TRPV5: variants seen among roughly 807,000 people sequenced by gnomAD.
The protein encoded by TRPV5 is transient receptor potential cation channel subfamily V member 5, also known as calcium transport protein 2.
TRPV5 carries 66 observed loss-of-function variants against 74.1 expected under a neutral mutation model. That is an observed-to-expected ratio of 0.89 (90% CI 0.73 to 1.09). TRPV5 has a LOEUF of 1.09. Among genes scored for constraint, TRPV5 ranks in the 50% least tolerant of loss-of-function variants. TRPV5 has a pLI of 0.00. For synonymous variants in TRPV5, 399 were observed against 360.7 expected (o/e 1.11, Z -1.20); for missense variants, 936 against 930.4 (o/e 1.01, Z -0.08).
intron 8 of TRPV5, among the ~76,000 whole-genome samples, 175 bp from the exon 9 acceptor site, chr7:142,915,743 G>T (rs1477574543): frequency 1.3e-5 from 2 of 152,230 alleles, no homozygotes; most frequent in African/African-American, 4.8e-5. Context: ...CAGGACAGGA[G>T]TCTATGTATC....
At chr7:142,919,510 C>G (rs929785774) in intron 8 of TRPV5, among the ~76,000 whole-genome samples, 3 of 152,136 alleles carry the variant, frequency 2.0e-5, no homozygotes, top group South Asian at 2.1e-4. Context: ...TTTTCAGATT[C>G]CTAGATCAAG....
At chr7:142,911,807 T>A (rs1795706897) in intron 13 of TRPV5, among the ~76,000 whole-genome samples, 1 of 152,194 alleles carries the variant, frequency 6.6e-6, no homozygotes, top group Non-Finnish European at 1.5e-5. Context: ...ATTTGAATGG[T>A]GCTTATATGG....
Position 142,915,499 on chromosome 7 carries a change from T to C in TRPV5, c.1192A>G (p.Ile398Val). Residue 398 changes from isoleucine to valine, a missense_variant, in exon 9 of 15, where the codon ATC becomes GTC. Transcript: ENST00000265310. The part of the protein sequence containing the change: ...GELVSIVGAV[I>V]ILLLEIPDIF... The stretch of plus-strand genomic sequence containing the variant: ...CCCCTCACCTCTAGGAGCAGGATGA[T>C]CACAGCCCCAACGATGCTCACCAGC... 1.2e-6 allele frequency: 2 copies of C among 1,614,140 alleles called. No homozygotes were observed.
chr7:142,924,230 A>C (rs1795929769), intron 8 of TRPV5, among the ~76,000 whole-genome samples: 1 of 133,436 alleles, frequency 7.5e-6, no homozygotes. Context: ...ATATATATAC[A>C]TATATATATA....
Position 142,928,703 on chromosome 7 carries a change from C to T in TRPV5, c.750G>A (p.Glu250=), listed in dbSNP as rs1004738988. Residue 250 remains glutamate, a synonymous_variant, in exon 6 of 15, where the codon GAG becomes GAA. Transcript: ENST00000265310. ...GLTPFKLAGV[E]GNTVMFQHLM... is the part of the protein sequence containing the mutation. ...GAGCGTCTCTTACCACAGTGTTACC[C>T]TCCACTCCAGCCAGCTTGAAGGGGG... The T allele has an allele frequency of 3.7e-6, 6 of 1,613,652 alleles. No individual in the cohort carries two copies. The highest frequency in any genetic ancestry group is 5.1e-6 in the Non-Finnish European group (6 of 1,179,818).
intron 7 of TRPV5, among the ~76,000 whole-genome samples, chr7:142,927,171 C>T (rs944958883): frequency 6.6e-6 from 1 of 152,198 alleles, no homozygotes; most frequent in African/African-American, 2.4e-5. Context: ...CCAGCCCCAG[C>T]ATTTCCTCTG....
intron 3 of TRPV5, 43 bp from the exon 4 acceptor site, chr7:142,929,608 A>G: frequency 6.2e-7 from 1 of 1,601,584 alleles, no homozygotes; most frequent in Non-Finnish European, 8.5e-7. Flanking sequence ...CTCTGTCCCC[A>G]GTTCTCTCAG....
At chr7:142,917,102 G>T (rs567371664) in intron 8 of TRPV5, among the ~76,000 whole-genome samples, 11 of 149,230 alleles carry the variant, frequency 7.4e-5, no homozygotes, top group Non-Finnish European at 1.2e-4. Context: ...GTTTTGTTTT[G>T]TTTTGTTTTT....
At chr7:142,917,539 TG>T (rs1404902190) in intron 8 of TRPV5, among the ~76,000 whole-genome samples, 1 of 152,142 alleles carries the variant, frequency 6.6e-6, no homozygotes, top group African/African-American at 2.4e-5. Flanking sequence ...GAGATGAAAA[TG>T]TGAAACCCCT....
intron 8 of TRPV5, 91 bp downstream of exon 8, chr7:142,925,438 G>T: frequency 7.3e-7 from 1 of 1,376,044 alleles, no homozygotes; most frequent in South Asian, 1.2e-5. Context: ...GGAACCCAGA[G>T]CGTGGCATCG....
chr7:142,920,617 G>A (rs1235591638), intron 8 of TRPV5, among the ~76,000 whole-genome samples: 2 of 152,142 alleles, frequency 1.3e-5, no homozygotes, highest in Admixed American at 1.3e-4. Flanking sequence ...GATTCTGAAG[G>A]GAGGCAGACT....
rs979041298 is a variant in TRPV5 at position 142,912,557 on chromosome 7, G to C, written c.1713C>G (p.Leu571=). 1.1e-5 allele frequency: 18 copies of C among 1,614,154 alleles called. No individual in the cohort carries two copies. The highest frequency in any genetic ancestry group is 1.4e-5 in the Non-Finnish European group (17 of 1,179,962). Residue 571 remains leucine (L), a synonymous_variant, in exon 13 of 15, where the codon CTC becomes CTG. Coordinates refer to ENST00000265310, the MANE Select transcript of TRPV5 (RefSeq NM_019841.7). ...CGCCCATCATGGCGATGAACAAGTT[G>C]AGCATGAGCAGTGTGGCAATGATGG... ...AFTIIATLLM[L]NLFIAMMGDT...
At chr7:142,919,792 C>T (rs1050853065) in intron 8 of TRPV5, among the ~76,000 whole-genome samples, 2 of 152,142 alleles carry the variant, frequency 1.3e-5, no homozygotes, top group South Asian at 4.1e-4. Context: ...GTGCCTGGGG[C>T]ACTACTGGGT....
chr7:142,908,596 A>G lies in TRPV5; in HGVS notation c.2108T>C (p.Ile703Thr). ...GTGCCCCAGGGTGTTTTGACGAAGG[A>G]TCTCCCAGCCTCGGTGACTGCTGCT... Reference protein sequence around the residue: ...SQSSSHRGWEILRQNTLGHLN... With the variant: ...SQSSSHRGWETLRQNTLGHLN... Residue 703 changes from isoleucine to threonine, a missense_variant, in exon 15 of 15, where the codon ATC becomes ACC. Physicochemically the swap from Ile to Thr is moderately conservative, Grantham distance 89. Coordinates refer to ENST00000265310, the MANE Select transcript of TRPV5 (RefSeq NM_019841.7). The G allele has an allele frequency of 1.9e-6, 3 of 1,614,150 alleles. No homozygotes were observed. The highest frequency in any genetic ancestry group is 2.5e-6 in the Non-Finnish European group (3 of 1,180,032).
Position 142,925,704 on chromosome 7 carries a change from A to G in TRPV5, c.947T>C (p.Leu316Pro). Reference protein sequence around the residue: ...QILEQTPVKELVSFKWNKYGR... With the variant: ...QILEQTPVKEPVSFKWNKYGR... ...ATACTTGTTCCACTTGAAGCTCACCAGCTCCTTCACTGGGGTCTGTTCCAG... is the reference window on the plus strand; with the variant it reads ...ATACTTGTTCCACTTGAAGCTCACCGGCTCCTTCACTGGGGTCTGTTCCAG... Residue 316 changes from leucine to proline, a missense_variant, in exon 8 of 15, where the codon CTG becomes CCG. Coordinates refer to ENST00000265310, the MANE Select transcript of TRPV5 (RefSeq NM_019841.7). 1 of 1,614,152 alleles carries G rather than the reference A, an allele frequency of 6.2e-7. No homozygotes were observed. The highest frequency in any genetic ancestry group is 8.5e-7 in the Non-Finnish European group (1 of 1,180,020).
At chr7:142,909,437 C>G in intron 14 of TRPV5, 53 bp downstream of exon 14, 1 of 1,594,932 alleles carries the variant, frequency 6.3e-7, no homozygotes, top group Non-Finnish European at 8.6e-7. Flanking sequence ...GTCACCCTTG[C>G]TTCCGTGGCC....
At chr7:142,909,447 C>T (rs1182486286) in intron 14 of TRPV5, 43 bp downstream of exon 14, 1 of 1,606,132 alleles carries the variant, frequency 6.2e-7, no homozygotes, top group Non-Finnish European at 8.5e-7. Flanking sequence ...CTTCCGTGGC[C>T]TTATACACAT....
Position 142,928,250 on chromosome 7 carries a change from G to A in TRPV5, c.763-16C>T. 6.2e-7 allele frequency: 1 copy of A among 1,614,120 alleles called. No individual in the cohort carries two copies. Among genetic ancestry groups the A allele is most frequent in the Non-Finnish European group, 8.5e-7 (1 of 1,180,006 alleles). The stretch of plus-strand genomic sequence containing the variant: ...GCTGGAACATCTGAGAGACCACCAG[G>A]ATGAGTCAGGGGGCCAACGTGTGAG... On this transcript the variant is annotated splice_polypyrimidine_tract_variant and intron_variant, in intron 6 of 14. Coordinates refer to ENST00000265310, the MANE Select transcript of TRPV5 (RefSeq NM_019841.7).
chr7:142,930,520 A>T, intron 1 of TRPV5, 74 bp from the exon 2 acceptor site: 1 of 1,129,308 alleles, frequency 8.9e-7, no homozygotes, highest in South Asian at 1.2e-5. Flanking sequence ...GGGATCTAAG[A>T]CATTCTTTAA....
Sources: allele counts gnomAD v4.1 joint callset (sites outside exome capture counted in the v4.1 genomes callset), GRCh38; gene constraint gnomAD v4.1.1; transcripts MANE v1.5; gene names NCBI Gene and HGNC (gene_info 2026-07-23, HGNC 2026-07-21).